FAAH2: variants seen among roughly 807,000 people sequenced by gnomAD.
FAAH2 encodes the protein fatty-acid amide hydrolase 2.
In FAAH2, 60 loss-of-function variants were observed where a neutral mutation model predicts 36.9. The ratio of observed to expected loss-of-function variants is 1.63; its 90% CI spans 1.32 to 2.02. The LOEUF is 2.02. Ranked by LOEUF, FAAH2 falls within the 30% of genes most tolerant of loss-of-function variation. FAAH2 has a pLI of 0.00. For missense variants in FAAH2, 689 were observed against 397.5 expected, an observed-to-expected ratio of 1.73 and a Z score of -6.23; for synonymous variants, 214 against 143.8, an observed-to-expected ratio of 1.49 and a Z score of -3.49.
intron 8 of FAAH2, among the ~76,000 whole-genome samples, chrX:57,439,793 G>A (rs2056507273): frequency 9.0e-6 from 1 of 111,688 alleles, no homozygotes; most frequent in Non-Finnish European, 1.9e-5. Flanking sequence ...GTGTAAGGAA[G>A]GGATCCAGTT....
At chrX:57,447,131 A>C (rs2147173725) in intron 9 of FAAH2, 92 bp downstream of exon 9, 1 of 605,099 alleles carries the variant, frequency 1.7e-6, no homozygotes, top group East Asian at 3.8e-5. Context: ...GCCCCATGCA[A>C]GTCCAAAATC....
chrX:57,174,538 A>C, the FAAH2 span, among the ~76,000 whole-genome samples: 1 of 111,775 alleles, frequency 8.9e-6, no homozygotes, highest in Non-Finnish European at 1.9e-5. Flanking sequence ...TTCAAAGAAC[A>C]ATCTTCTTAT....
At chrX:57,230,797 T>C in the FAAH2 span, among the ~76,000 whole-genome samples, 1 of 111,533 alleles carries the variant, frequency 9.0e-6, no homozygotes, top group Non-Finnish European at 1.9e-5. Context: ...GGCTTGACTT[T>C]GATTTCCTTG....
chrX:57,177,641 GAA>G, the FAAH2 span, among the ~76,000 whole-genome samples: 27,062 of 55,474 alleles, frequency 0.49, 7,429 homozygotes, highest in African/African-American at 0.86. Context: ...CCTGATGACT[GAA>G]AAAAAAAAAA....
At chrX:57,324,238 C>G (rs1253090859) in intron 3 of FAAH2, among the ~76,000 whole-genome samples, 1 of 112,037 alleles carries the variant, frequency 8.9e-6, no homozygotes, top group African/African-American at 3.2e-5. Flanking sequence ...GTTTTGGTTA[C>G]TGTAGCCTTT....
chrX:57,327,773 C>T (rs950204932), intron 3 of FAAH2, among the ~76,000 whole-genome samples: 13 of 111,289 alleles, frequency 1.2e-4, no homozygotes, highest in South Asian at 3.8e-4. Context: ...AACTTCTTTG[C>T]CATGGGTTCA....
chrX:57,279,215 A>G, the FAAH2 span, among the ~76,000 whole-genome samples: 1 of 112,753 alleles, frequency 8.9e-6, no homozygotes, highest in African/African-American at 3.2e-5. Context: ...AATGTCATCA[A>G]TGATAGACTG....
chrX:57,269,100 A>G, the FAAH2 span, among the ~76,000 whole-genome samples: 1 of 111,885 alleles, frequency 8.9e-6, no homozygotes, highest in Non-Finnish European at 1.9e-5. Flanking sequence ...TTGACAAAGT[A>G]GAACTGACAA....
At chrX:57,216,614 A>ATATACGTATATATATATACG in the FAAH2 span, among the ~76,000 whole-genome samples, 1 of 4,379 alleles carries the variant, frequency 2.3e-4, no homozygotes, top group African/African-American at 3.3e-4. Flanking sequence ...ATATACGTAT[A>ATATACGTATATATATATACG]TATATATACG....
At chrX:57,201,816 C>T in the FAAH2 span, among the ~76,000 whole-genome samples, 10 of 111,482 alleles carry the variant, frequency 9.0e-5, no homozygotes, top group Non-Finnish European at 1.7e-4. Context: ...ATCCTGTAGG[C>T]ATGCTTCATT....
intron 10 of FAAH2, among the ~76,000 whole-genome samples, chrX:57,481,408 C>T (rs1005079469): frequency 9.0e-6 from 1 of 111,297 alleles, no homozygotes; most frequent in African/African-American, 3.3e-5. Flanking sequence ...AAGCTGATAA[C>T]CTTGGATGGG....
At chrX:57,220,831 C>T in the FAAH2 span, among the ~76,000 whole-genome samples, 1 of 111,662 alleles carries the variant, frequency 9.0e-6, no homozygotes, top group African/African-American at 3.3e-5. Flanking sequence ...GTAAGCAGCT[C>T]CCACAAGGAC....
chrX:57,370,445 GC>G, intron 5 of FAAH2, among the ~76,000 whole-genome samples: 1 of 111,302 alleles, frequency 9.0e-6, no homozygotes, highest in Admixed American at 9.5e-5. Context: ...TAATATATAG[GC>G]ACCCAACACT....
chrX:57,474,270 C>A (rs1340816846), intron 10 of FAAH2, among the ~76,000 whole-genome samples: 2 of 111,085 alleles, frequency 1.8e-5, no homozygotes, highest in Non-Finnish European at 3.8e-5. Context: ...TATACATGTG[C>A]CATGGTGGTT....
At chrX:57,365,703 G>C (rs1180240611) in intron 5 of FAAH2, among the ~76,000 whole-genome samples, 1 of 111,897 alleles carries the variant, frequency 8.9e-6, no homozygotes, top group Non-Finnish European at 1.9e-5. Flanking sequence ...TTCAGTCTGA[G>C]GTTCTGTCTT....
At chrX:57,332,288 A>G (rs2053430239) in intron 4 of FAAH2, among the ~76,000 whole-genome samples, 1 of 112,230 alleles carries the variant, frequency 8.9e-6, no homozygotes, top group African/African-American at 3.2e-5. Context: ...TAAGATGGCC[A>G]TATGAAAGAA....
the FAAH2 span, among the ~76,000 whole-genome samples, chrX:57,224,045 A>G: frequency 1.8e-5 from 2 of 111,646 alleles, no homozygotes; most frequent in Non-Finnish European, 3.8e-5. Flanking sequence ...CAACACCAAA[A>G]GCACCCTCTT....
chrX:57,348,076 G>A (rs2053878670), intron 5 of FAAH2, among the ~76,000 whole-genome samples: 1 of 110,447 alleles, frequency 9.1e-6, no homozygotes, highest in Non-Finnish European at 1.9e-5. Context: ...AGGTGCTCCA[G>A]GCTGCAGACC....
intron 5 of FAAH2, among the ~76,000 whole-genome samples, chrX:57,360,028 G>T: frequency 9.4e-6 from 1 of 106,943 alleles, no homozygotes; most frequent in Non-Finnish European, 1.9e-5. Flanking sequence ...TGTACTGTAA[G>T]GTTTCTGCTG....
Sources: allele counts gnomAD v4.1 joint callset (sites outside exome capture counted in the v4.1 genomes callset), GRCh38; gene constraint gnomAD v4.1.1; transcripts MANE v1.5; gene names NCBI Gene and HGNC (gene_info 2026-07-23, HGNC 2026-07-21).